GHR: variants seen among roughly 807,000 people sequenced by gnomAD.
The protein encoded by GHR is growth hormone receptor.
A neutral mutation model predicts 67.1 loss-of-function variants in GHR; 35 were observed. The observed-to-expected ratio is 0.52, with a 90% CI of 0.40 to 0.69. The LOEUF is 0.69. Among genes scored for constraint, GHR ranks in the 30% least tolerant of loss-of-function variants. The pLI is 0.00. For synonymous variants in GHR, 272 were observed against 269.1 expected, an observed-to-expected ratio of 1.01 and a Z score of -0.10; for missense variants, 792 against 764.6, an observed-to-expected ratio of 1.04 and a Z score of -0.42.
chr5:42,689,564 G>A (rs945313327), intron 4 of GHR, among the ~76,000 whole-genome samples: 8 of 152,160 alleles, frequency 5.3e-5, no homozygotes, highest in Admixed American at 3.3e-4. Context: ...GACAGGCCAC[G>A]TGAGTATCTG....
intron 2 of GHR, among the ~76,000 whole-genome samples, chr5:42,578,279 C>G (rs1227297630): frequency 1.3e-5 from 2 of 152,124 alleles, no homozygotes; most frequent in Admixed American, 1.3e-4. Context: ...GCATATTGAA[C>G]TGACAGTCCC....
intron 2 of GHR, among the ~76,000 whole-genome samples, chr5:42,620,237 GA>G (rs1403352834): frequency 6.6e-6 from 1 of 151,880 alleles, no homozygotes; most frequent in Non-Finnish European, 1.5e-5. Flanking sequence ...TGAGACTTCA[GA>G]GAACTCAAAA....
rs372012792 is a variant in GHR, at chr5:42,474,346, T to G, written c.-12+50391T>G. On this transcript the variant is annotated intron_variant, in intron 1 of 9. Transcript: ENST00000230882. ...GAAAGAAAGAAAGAAAGAAAAGAAA[T>G]AAAGAAAGAAAGCAAAGTGTCTGTC... 6.5e-3 allele frequency among the ~76,000 whole-genome samples: 214 copies of G among 32,778 alleles called. No individual in the cohort carries two copies. In the East Asian group the frequency reaches 0.1, roughly 16 times the overall value. The allele number at this position is 32,778 out of a possible 152,430, so 21.5% of individuals were successfully genotyped here. A position where few individuals can be genotyped will look rare whatever the true frequency, so the allele number is the denominator to read the frequency against.
At chr5:42,575,763 CG>C (rs1554021316) in intron 2 of GHR, among the ~76,000 whole-genome samples, 12 of 149,836 alleles carry the variant, frequency 8.0e-5, no homozygotes, top group Non-Finnish European at 1.5e-5. Flanking sequence ...GGGCTGGGCG[CG>C]ATGGCTCATG....
chr5:42,665,552 C>T (rs1234639311), intron 3 of GHR, among the ~76,000 whole-genome samples: 1 of 151,532 alleles, frequency 6.6e-6, no homozygotes, highest in African/African-American at 2.4e-5. Flanking sequence ...ACAATGAGAA[C>T]ACATGGACAC....
intron 1 of GHR, among the ~76,000 whole-genome samples, chr5:42,428,819 C>T (rs756870595): frequency 2.0e-5 from 3 of 152,214 alleles, no homozygotes; most frequent in Non-Finnish European, 4.4e-5. Context: ...TCACTATAAG[C>T]ATTTTGGTCA....
chr5:42,664,176 ATT>A (rs1430299022), intron 3 of GHR, among the ~76,000 whole-genome samples: 1 of 152,220 alleles, frequency 6.6e-6, no homozygotes, highest in Non-Finnish European at 1.5e-5. Context: ...GTCCAAGGTA[ATT>A]TATAGATTCA....
chr5:42,653,967 A>T (rs1057329239), intron 3 of GHR, among the ~76,000 whole-genome samples: 2 of 152,134 alleles, frequency 1.3e-5, no homozygotes, highest in Non-Finnish European at 2.9e-5. Flanking sequence ...TTTTAGTTCT[A>T]TCAAATGCTC....
chr5:42,655,526 G>A (rs372793878), intron 3 of GHR, among the ~76,000 whole-genome samples: 2 of 152,052 alleles, frequency 1.3e-5, no homozygotes, highest in South Asian at 4.1e-4. Context: ...GTATGACGGG[G>A]TTATGCTCAG....
chr5:42,519,334 A>AT (rs1747375957), intron 1 of GHR, among the ~76,000 whole-genome samples: 1 of 152,144 alleles, frequency 6.6e-6, no homozygotes, highest in South Asian at 2.1e-4. Context: ...ATAAATTCTC[A>AT]TTTTTCCCAT....
At chr5:42,547,851 T>C (rs1579916267) in intron 1 of GHR, among the ~76,000 whole-genome samples, 1 of 74,570 alleles carries the variant, frequency 1.3e-5, no homozygotes, top group Non-Finnish European at 2.6e-5. Context: ...AATTTCTTCA[T>C]TTACAAGATG....
At chr5:42,662,636 G>A (rs1045519736) in intron 3 of GHR, among the ~76,000 whole-genome samples, 1 of 152,074 alleles carries the variant, frequency 6.6e-6, no homozygotes. Context: ...AGCACTAAAT[G>A]CCCACAAGAG....
intron 1 of GHR, among the ~76,000 whole-genome samples, chr5:42,477,203 G>C (rs1413103604): frequency 6.6e-6 from 1 of 151,964 alleles, no homozygotes; most frequent in Non-Finnish European, 1.5e-5. Flanking sequence ...CCCTACAAAG[G>C]ACATGAACTC....
intron 1 of GHR, among the ~76,000 whole-genome samples, chr5:42,493,703 C>T (rs1279798040): frequency 6.6e-6 from 1 of 152,108 alleles, no homozygotes; most frequent in Non-Finnish European, 1.5e-5. Context: ...TACATATGCC[C>T]AATCACAAGT....
intron 1 of GHR, among the ~76,000 whole-genome samples, chr5:42,563,847 C>T (rs975764032): frequency 2.0e-5 from 3 of 151,926 alleles, no homozygotes; most frequent in African/African-American, 7.3e-5. Context: ...TATTTAGTTA[C>T]CAACAGGATG....
At chr5:42,631,653 A>G (rs564066552) in intron 3 of GHR, among the ~76,000 whole-genome samples, 1 of 152,214 alleles carries the variant, frequency 6.6e-6, no homozygotes, top group Non-Finnish European at 1.5e-5. Flanking sequence ...ATAATTTCAC[A>G]TGAAAAGTTA....
At chr5:42,494,248 G>A (rs980561271) in intron 1 of GHR, among the ~76,000 whole-genome samples, 8 of 152,082 alleles carry the variant, frequency 5.3e-5, no homozygotes, top group African/African-American at 4.8e-5. Context: ...TTGGGCCATC[G>A]GCAACCATAT....
intron 6 of GHR, 127 bp downstream of exon 6, chr5:42,700,129 A>G (rs757851666): frequency 7.3e-6 from 5 of 685,234 alleles, no homozygotes; most frequent in Non-Finnish European, 1.3e-5. Context: ...TAATTTCTTA[A>G]TTGAGAAAAC....
chr5:42,475,330 A>T (rs1745255061), intron 1 of GHR, among the ~76,000 whole-genome samples: 1 of 152,114 alleles, frequency 6.6e-6, no homozygotes, highest in Non-Finnish European at 1.5e-5. Flanking sequence ...TTTATAACAG[A>T]GGCAGATTTG....
Sources: gnomAD v4.1 joint callset for allele counts (sites outside exome capture counted in the v4.1 genomes callset) on GRCh38, gnomAD v4.1.1 for gene constraint, MANE v1.5 for transcripts, NCBI Gene and HGNC (gene_info 2026-07-23, HGNC 2026-07-21) for gene names.